LETM2: variants seen among roughly 807,000 people sequenced by gnomAD.
LETM2 encodes the protein leucine zipper and EF-hand containing transmembrane protein 2.
LETM2 carries 58 observed loss-of-function variants against 59.6 expected under a neutral mutation model. The observed-to-expected ratio is 0.97, with a 90% CI of 0.79 to 1.21. The LOEUF (loss-of-function observed/expected upper bound fraction) is 1.21. Ranked by LOEUF, LETM2 falls within the 50% of genes most tolerant of loss-of-function variation. LETM2 has a pLI of 0.00. For missense variants in LETM2, 572 were observed against 575.7 expected (o/e 0.99, Z 0.07); for synonymous variants, 199 against 214.1 (o/e 0.93, Z 0.62).
chr8:38,383,706 G>A (rs1018667191), upstream of LETM2, among the ~76,000 whole-genome samples: 3 of 151,722 alleles, frequency 2.0e-5, no homozygotes, highest in Admixed American at 2.0e-4. Flanking sequence ...CGAGGCAGGC[G>A]GATCACGAGG....
At chr8:38,402,677 C>T in intron 7 of LETM2, 33 bp downstream of exon 7, 2 of 1,610,874 alleles carry the variant, frequency 1.2e-6, no homozygotes, top group Non-Finnish European at 8.5e-7. Flanking sequence ...GGTCCTCTTC[C>T]CTAGAACTCT....
upstream of LETM2, among the ~76,000 whole-genome samples, chr8:38,384,271 C>G (rs1811687332): frequency 6.6e-6 from 1 of 152,128 alleles, no homozygotes; most frequent in African/African-American, 2.4e-5. Flanking sequence ...CCCCAGGGAT[C>G]TTATATTAGC....
chr8:38,407,166 A>G (rs1813792207), intron 9 of LETM2, 128 bp downstream of exon 9: 1 of 724,190 alleles, frequency 1.4e-6, no homozygotes, highest in African/African-American at 1.8e-5. Context: ...AATAAGGAAT[A>G]TTTATTGTAC....
chr8:38,407,716 C>CT (rs953470674), intron 10 of LETM2, among the ~76,000 whole-genome samples: 1 of 152,128 alleles, frequency 6.6e-6, no homozygotes, highest in African/African-American at 2.4e-5. Flanking sequence ...TAGGCAGACC[C>CT]TTTTTTTCTT....
intron 4 of LETM2, 30 bp from the exon 5 acceptor site, chr8:38,400,242 T>C (rs1554536883): frequency 6.4e-7 from 1 of 1,572,688 alleles, no homozygotes; most frequent in Non-Finnish European, 8.7e-7. Flanking sequence ...TCACGAAGGA[T>C]TGAGTAACTT....
chr8:38,394,977 T>G (rs2150423516), intron 4 of LETM2, among the ~76,000 whole-genome samples: 1 of 152,316 alleles, frequency 6.6e-6, no homozygotes, highest in African/African-American at 2.4e-5. Context: ...GTCATATAGT[T>G]GGGATCATAC....
At chr8:38,402,737 C>A in intron 7 of LETM2, 93 bp downstream of exon 7, 1 of 1,340,616 alleles carries the variant, frequency 7.5e-7, no homozygotes, top group Non-Finnish European at 1.1e-6. Flanking sequence ...TGCAAGTGAA[C>A]CGTCTTACTT....
chr8:38,401,114 C>T, intron 6 of LETM2, 61 bp downstream of exon 6: 1 of 1,336,708 alleles, frequency 7.5e-7, no homozygotes, highest in Non-Finnish European at 1.1e-6. Context: ...CTTAGGGTGC[C>T]TGTGGGATGA....
At chr8:38,403,375 G>A (rs746611594) in intron 7 of LETM2, among the ~76,000 whole-genome samples, 3 of 152,224 alleles carry the variant, frequency 2.0e-5, no homozygotes, top group South Asian at 2.1e-4. Context: ...CCTACTTCAC[G>A]TAGTGTAACG....
intron 4 of LETM2, among the ~76,000 whole-genome samples, chr8:38,398,839 C>A (rs539934234): frequency 2.0e-5 from 3 of 151,676 alleles, no homozygotes; most frequent in Admixed American, 2.0e-4. Flanking sequence ...CCTGCCTCAG[C>A]CTGCTGAGTA....
chr8:38,408,133 G>C (rs1813881556), intron 10 of LETM2, 79 bp from the exon 11 acceptor site: 2 of 1,069,326 alleles, frequency 1.9e-6, no homozygotes, highest in African/African-American at 1.6e-5. Flanking sequence ...TTTTGATTAA[G>C]AAAACAAAAA....
Position 38,394,863 on chromosome 8 carries a change from A to G in LETM2, c.645+622A>G, listed in dbSNP as rs556881832. Among the ~76,000 whole-genome samples the G allele has an allele frequency of 8.2e-4, 124 of 151,800 alleles. 1 individual carries two copies. Among genetic ancestry groups the G allele is most frequent in the African/African-American group, 2.5e-3 (102 of 41,414 alleles). ...CCTGTCTCAAAAAAAAAAAAAAAAA[A>G]AAAATTCCCTGTGCTCCACCTATTT... On this transcript the variant is annotated intron_variant, in intron 4 of 10. Transcript: ENST00000379957.
At chr8:38,402,349 T>C (rs1813299437) in intron 6 of LETM2, among the ~76,000 whole-genome samples, 176 bp from the exon 7 acceptor site, 1 of 152,238 alleles carries the variant, frequency 6.6e-6, no homozygotes, top group African/African-American at 2.4e-5. Context: ...TAATACCTGT[T>C]GGCAGGATTC....
chr8:38,395,743 T>G (rs1018263498), intron 4 of LETM2, among the ~76,000 whole-genome samples: 1 of 151,822 alleles, frequency 6.6e-6, no homozygotes, highest in Non-Finnish European at 1.5e-5. Flanking sequence ...CTCGATGTCC[T>G]GACCTCCGGT....
chr8:38,384,539 G>A (rs980185833), upstream of LETM2, among the ~76,000 whole-genome samples: 4 of 152,032 alleles, frequency 2.6e-5, no homozygotes, highest in South Asian at 4.1e-4. Flanking sequence ...CAATTCTCAG[G>A]GCCAGAGTCA....
chr8:38,394,815 G>T (rs1314826480), intron 4 of LETM2, among the ~76,000 whole-genome samples: 1 of 148,060 alleles, frequency 6.8e-6, no homozygotes, highest in Admixed American at 6.8e-5. Context: ...GCACTCCAGA[G>T]GCACTGGGTG....
rs933529350 is a variant in LETM2, at chr8:38,400,371, G to A, written c.745G>A (p.Gly249Ser). 8 of 1,613,106 alleles carry A rather than the reference G, an allele frequency of 5.0e-6. No homozygotes were observed. The highest frequency in any genetic ancestry group is 5.9e-6 in the Non-Finnish European group (7 of 1,179,596). ...GGCAAGGAGGAACAGAGCCAAGATGGGCGATGCCTCTACACAGCTCTCATC... is the reference window on the plus strand; with the variant it reads ...GGCAAGGAGGAACAGAGCCAAGATGAGCGATGCCTCTACACAGCTCTCATC... ...EMARRNRAKM[G>S]DASTQLSSYV... is the part of the protein sequence containing the mutation. Residue 249 changes from glycine to serine, a missense_variant, in exon 5 of 11, where the codon GGC becomes AGC. Physicochemically the swap from Gly to Ser is moderately conservative, Grantham distance 56. Coordinates refer to ENST00000379957, the MANE Select transcript of LETM2 (RefSeq NM_001286819.2).
chr8:38,385,138 A>G (rs1348870404), upstream of LETM2, among the ~76,000 whole-genome samples: 2 of 152,234 alleles, frequency 1.3e-5, no homozygotes, highest in East Asian at 3.8e-4. Flanking sequence ...TCAGACATGC[A>G]CAAAGAGACC....
intron 8 of LETM2, among the ~76,000 whole-genome samples, chr8:38,405,168 T>C (rs955357830): frequency 6.6e-6 from 1 of 152,222 alleles, no homozygotes; most frequent in African/African-American, 2.4e-5. Context: ...TTAGACTGAA[T>C]GGTTCCTGTT....
Sources: gnomAD v4.1 joint callset for allele counts (sites outside exome capture counted in the v4.1 genomes callset) on GRCh38, gnomAD v4.1.1 for gene constraint, MANE v1.5 for transcripts, NCBI Gene and HGNC (gene_info 2026-07-23, HGNC 2026-07-21) for gene names.